MYH11: variants seen among roughly 807,000 people sequenced by gnomAD.
MYH11 encodes the protein myosin-11.
A neutral mutation model predicts 246.6 loss-of-function variants in MYH11; 80 were observed. The observed-to-expected ratio is 0.32, with a 90% CI of 0.27 to 0.39. MYH11 has a LOEUF of 0.39. Among genes scored for constraint, MYH11 ranks in the 10% least tolerant of loss-of-function variants. MYH11 has a pLI of 1.00. For missense variants in MYH11, 2,158 were observed against 2,546.8 expected, an observed-to-expected ratio of 0.85 and a Z score of 3.29; for synonymous variants, 1,071 against 1,015.5, an observed-to-expected ratio of 1.05 and a Z score of -1.04.
At chr16:15,793,615 C>CTTTTTTTTTTTTTTTTT (rs572455483) in intron 4 of MYH11, among the ~76,000 whole-genome samples, 3 of 93,820 alleles carry the variant, frequency 3.2e-5, no homozygotes, top group African/African-American at 1.0e-4. Flanking sequence ...CTTTTCTTTT[C>CTTTTTTTTTTTTTTTTT]TTTTTTTTTT....
chr16:15,778,722 G>A, intron 7 of MYH11, 58 bp downstream of exon 7: 2 of 1,534,716 alleles, frequency 1.3e-6, no homozygotes, highest in Non-Finnish European at 9.0e-7. Flanking sequence ...CAGCCTCTGG[G>A]CAGGAGATTG....
intron 1 of MYH11, among the ~76,000 whole-genome samples, chr16:15,839,995 G>A (rs747097168): frequency 6.6e-6 from 1 of 152,148 alleles, no homozygotes; most frequent in African/African-American, 2.4e-5. Context: ...AGGCTGCAGT[G>A]AGCCGAGACT....
chr16:15,818,523 C>T (rs2043318930), intron 3 of MYH11, among the ~76,000 whole-genome samples: 1 of 152,110 alleles, frequency 6.6e-6, no homozygotes, highest in South Asian at 2.1e-4. Context: ...AGCTCCGCCT[C>T]TTGGGTTCAC....
chr16:15,798,824 C>T (rs750395693), intron 3 of MYH11, 137 bp from the exon 4 acceptor site: 45 of 953,898 alleles, frequency 4.7e-5, no homozygotes, highest in Non-Finnish European at 7.3e-5. Context: ...AACAGGTCAG[C>T]TGGGCTCATT....
chr16:15,715,120 G>C, intron 39 of MYH11, 39 bp from the exon 40 acceptor site: 1 of 1,611,964 alleles, frequency 6.2e-7, no homozygotes, highest in South Asian at 1.1e-5. Flanking sequence ...GGGGAGGCCG[G>C]CTGGGGGCTG....
intron 3 of MYH11, among the ~76,000 whole-genome samples, chr16:15,822,095 G>C (rs983292599): frequency 6.6e-6 from 1 of 152,210 alleles, no homozygotes; most frequent in Non-Finnish European, 1.5e-5. Context: ...CTGGCTCACT[G>C]TCAGAAAGTT....
intron 8 of MYH11, among the ~76,000 whole-genome samples, chr16:15,775,403 C>T (rs1267398078): frequency 7.0e-6 from 1 of 143,780 alleles, no homozygotes; most frequent in African/African-American, 2.9e-5. Flanking sequence ...TTATGTACTG[C>T]CTGTGCTCAT....
intron 32 of MYH11, 152 bp downstream of exon 32, chr16:15,721,270 C>T: frequency 9.8e-7 from 1 of 1,022,154 alleles, no homozygotes; most frequent in Non-Finnish European, 1.5e-6. Context: ...CTCAGCCCCT[C>T]CCAGCCCCTG....
In MYH11 at chr16:15,718,204, T is replaced by A; in HGVS notation, c.5295+111A>T. On this transcript the variant is annotated intron_variant, in intron 37 of 40. Transcript: ENST00000300036. The stretch of plus-strand genomic sequence containing the variant: ...TCAGGCCCCACCACCCTCTTGTCCC[T>A]CAATCCAGGGCCTGCACACAGGAAG... 1.3e-6 allele frequency: 2 copies of A among 1,560,208 alleles called. 1 individual carries two copies. Among genetic ancestry groups the A allele is most frequent in the South Asian group, 2.2e-5 (2 of 89,046 alleles).
intron 24 of MYH11, 39 bp downstream of exon 24, chr16:15,738,526 A>G (rs780534976): frequency 1.3e-6 from 2 of 1,569,470 alleles, no homozygotes; most frequent in Non-Finnish European, 1.7e-6. Flanking sequence ...AAAAAATAAT[A>G]AAATAAAATA....
At chr16:15,846,023 C>T (rs1255800833) in intron 1 of MYH11, among the ~76,000 whole-genome samples, 4 of 152,024 alleles carry the variant, frequency 2.6e-5, no homozygotes, top group African/African-American at 4.8e-5. Context: ...CACTTGAACC[C>T]GGGAGGTGGA....
Position 15,748,097 on chromosome 16 carries a change from G to A in MYH11, c.2130C>T (p.Ile710=), listed in dbSNP as rs1488247552. Residue 710 remains isoleucine (I), a synonymous_variant, in exon 17 of 41, where the codon ATC becomes ATT. Coordinates refer to ENST00000300036, the MANE Select transcript of MYH11 (RefSeq NM_002474.3). ...TCCGGTTGGGGAAGCCCTGCCGGCA[G>A]ATGCGAATGCCTTCCAGCACCCCAT... ...RCNGVLEGIR[I]CRQGFPNRIV... 6.2e-7 allele frequency: 1 copy of A among 1,614,154 alleles called. No homozygotes were observed. Among genetic ancestry groups the A allele is most frequent in the South Asian group, 1.1e-5 (1 of 91,086 alleles).
rs542573426 is a variant in MYH11, at chr16:15,837,350, C to A, written c.345+558G>T. On this transcript the variant is annotated intron_variant, in intron 2 of 40. Transcript: ENST00000300036. ...TTATCATACGTCTTGGCACTTGGCA[C>A]ATGTGATGACATGGGATTGTCACAC... 2.0e-5 allele frequency among the ~76,000 whole-genome samples: 3 copies of A among 152,234 alleles called. No individual in the cohort carries two copies. In the East Asian group the frequency reaches 5.8e-4, roughly 29 times the overall value.
At chr16:15,760,931 G>C (rs2041854057) in intron 10 of MYH11, among the ~76,000 whole-genome samples, 1 of 152,134 alleles carries the variant, frequency 6.6e-6, no homozygotes, top group African/African-American at 2.4e-5. Context: ...TCAAGTCCCT[G>C]TCCCTTCACA....
At position 15,720,883 on chromosome 16, in the gene MYH11, G is replaced by C. The variant is rs777170587; in HGVS notation, c.4747C>G (p.Arg1583Gly). Reference protein sequence around the residue: ...KGQFERDLQARDEQNEEKRRQ... With the variant: ...KGQFERDLQAGDEQNEEKRRQ... ...CTCTTCTCCTCATTCTGCTCGTCCC[G>C]GGCTTGGAGATCCCTTTCGAACTGG... is the stretch of plus-strand genomic sequence containing the variant. Residue 1583 changes from arginine (R) to glycine (G), a missense_variant, in exon 33 of 41, where the codon CGG becomes GGG. Coordinates refer to ENST00000300036, the MANE Select transcript of MYH11 (RefSeq NM_002474.3). 3 of 1,613,910 alleles carry C rather than the reference G, an allele frequency of 1.9e-6. No homozygotes were observed. The highest frequency in any genetic ancestry group is 2.5e-6 in the Non-Finnish European group (3 of 1,180,010).
intron 1 of MYH11, among the ~76,000 whole-genome samples, chr16:15,854,143 C>A (rs1457564764): frequency 6.6e-6 from 1 of 152,072 alleles, no homozygotes; most frequent in Non-Finnish European, 1.5e-5. Context: ...ACTTTCAGCC[C>A]AAATAGAAAC....
Position 15,838,177 on chromosome 16 carries a change from C to G in MYH11, c.76G>C (p.Ala26Pro). 1 of 1,614,124 alleles carries G rather than the reference C, an allele frequency of 6.2e-7. No homozygotes were observed. Among genetic ancestry groups the G allele is most frequent in the Non-Finnish European group, 8.5e-7 (1 of 1,180,012 alleles). Residue 26 changes from alanine (A) to proline (P), a missense_variant, in exon 2 of 41, where the codon GCC becomes CCC. Physicochemically the swap from Ala to Pro is conservative, Grantham distance 27. Transcript: ENST00000300036. ...CTCTTGGCGGCCCAGTCAGCCTGGG[C>G]CACTGGGCTGTTGATGAAGTTTTTG... ...VDKNFINSPVAQADWAAKRLV... is the reference protein window; with the variant it reads ...VDKNFINSPVPQADWAAKRLV...
chr16:15,821,222 C>T (rs2043402242), intron 3 of MYH11, among the ~76,000 whole-genome samples: 1 of 152,206 alleles, frequency 6.6e-6, no homozygotes, highest in African/African-American at 2.4e-5. Flanking sequence ...CTCTCTTTCC[C>T]TCCTCCACAC....
intron 3 of MYH11, among the ~76,000 whole-genome samples, chr16:15,808,119 T>C (rs1358417996): frequency 6.6e-6 from 1 of 152,168 alleles, no homozygotes; most frequent in Non-Finnish European, 1.5e-5. Context: ...TCAGCCTCCA[T>C]TGCCTGCAGA....
Sources: allele counts gnomAD v4.1 joint callset (sites outside exome capture counted in the v4.1 genomes callset), GRCh38; gene constraint gnomAD v4.1.1; transcripts MANE v1.5; gene names NCBI Gene and HGNC (gene_info 2026-07-23, HGNC 2026-07-21).